Variants in GPI observed in about 807,000 individuals in gnomAD.
GPI encodes the protein glucose-6-phosphate isomerase, also known as D-hexose-6-phosphate anomerase.
GPI carries 56 observed loss-of-function variants against 75.8 expected under a neutral mutation model. The ratio of observed to expected loss-of-function variants is 0.74; its 90% CI spans 0.60 to 0.92. GPI has a LOEUF of 0.92. Among genes scored for constraint, GPI ranks in the 40% least tolerant of loss-of-function variants. The pLI is 0.00. For synonymous variants in GPI, 288 were observed against 285.4 expected (o/e 1.01, Z -0.09); for missense variants, 638 against 741.0 (o/e 0.86, Z 1.61).
At chr19:34,396,175 T>A in intron 12 of GPI, 126 bp from the exon 13 acceptor site, 1 of 962,768 alleles carries the variant, frequency 1.0e-6, no homozygotes, top group Non-Finnish European at 1.6e-6. Context: ...CAACCTCAGG[T>A]GATCCGCCTG....
Position 34,393,633 on chromosome 19 carries a change from C to A in GPI, c.866-95C>A. 1 of 1,226,014 alleles carries A rather than the reference C, an allele frequency of 8.2e-7. No homozygotes were observed. Among genetic ancestry groups the A allele is most frequent in the Non-Finnish European group, 1.2e-6 (1 of 828,814 alleles). 75.9% of individuals were successfully genotyped at this position (1,226,014 alleles called of 1,614,324 possible). ...CTCCCATGTCGTATCTTCTGGCTCTCCATGCAGCCTTCCTTCGTTGCAGAA... is the reference window on the plus strand; with the variant it reads ...CTCCCATGTCGTATCTTCTGGCTCTACATGCAGCCTTCCTTCGTTGCAGAA... On this transcript the variant is annotated intron_variant, in intron 10 of 17. Coordinates refer to ENST00000356487, the MANE Select transcript of GPI (RefSeq NM_000175.5). The surrounding 1 kb of genome is among the most constrained non-coding windows in gnomAD (Gnocchi z 4.4).
chr19:34,389,721 C>T (rs151180408), intron 9 of GPI, among the ~76,000 whole-genome samples: 106 of 152,262 alleles, frequency 7.0e-4, no homozygotes, highest in Non-Finnish European at 1.2e-3. Context: ...CATGCCTGCT[C>T]GTTCTTGAGA....
At chr19:34,395,220 G>A (rs893816128) in intron 12 of GPI, among the ~76,000 whole-genome samples, 2 of 152,068 alleles carry the variant, frequency 1.3e-5, no homozygotes, top group Admixed American at 6.5e-5. Flanking sequence ...TTTAGTTGTG[G>A]TGACAGCCCT....
chr19:34,365,248 T>C lies in GPI; in HGVS notation c.-19T>C, dbSNP rs2145311903. On this transcript the variant is annotated 5_prime_UTR_variant, in exon 1 of 18. Transcript: ENST00000356487. The stretch of plus-strand genomic sequence containing the variant: ...CCTCCTCGGCTCGCGTCTCACTCAG[T>C]GTACCTTCTAGTCCCGCCATGGCCG... 6.5e-7 allele frequency: 1 copy of C among 1,548,530 alleles called. No individual in the cohort carries two copies. Among genetic ancestry groups the C allele is most frequent in the Non-Finnish European group, 8.7e-7 (1 of 1,151,108 alleles).
chr19:34,364,713 A>G (rs2074327927), upstream of GPI: 1 of 399,220 alleles, frequency 2.5e-6, no homozygotes, highest in East Asian at 3.7e-5. Flanking sequence ...CCCGATTCTC[A>G]GCACCCTTTT....
upstream of GPI, chr19:34,364,776 T>C (rs1003305717): frequency 1.3e-5 from 6 of 450,232 alleles, no homozygotes; most frequent in African/African-American, 1.0e-4. Context: ...CATCATCTGT[T>C]GTACTTGCTT....
rs1427445898 is a variant in GPI, at chr19:34,400,377, T to C, written c.*341T>C. 1.7e-5 allele frequency: 10 copies of C among 598,492 alleles called. No individual in the cohort carries two copies. The highest frequency in any genetic ancestry group is 3.0e-5 in the Admixed American group (1 of 33,740). The allele number at this position is 598,492 out of a possible 1,614,324, so 37.1% of individuals were successfully genotyped here. Reference sequence around the variant, plus strand: ...TTTTTTTTCCTGTGATGGTGCTTTATGTAGCAGAGGGCAGGAGCGCTCAGC... The same window carrying C: ...TTTTTTTTCCTGTGATGGTGCTTTACGTAGCAGAGGGCAGGAGCGCTCAGC... On this transcript the variant is annotated 3_prime_UTR_variant, in exon 18 of 18. Transcript: ENST00000356487.
rs760041602 is a variant in GPI at position 34,378,980 on chromosome 19, A to C, written c.680A>C (p.Glu227Ala). The C allele has an allele frequency of 6.2e-6, 10 of 1,614,130 alleles. No homozygotes were observed. The highest frequency in any genetic ancestry group is 1.6e-4 in the Middle Eastern group (1 of 6,062). Reference sequence around the variant, plus strand: ...ATCACGAATGCAGAGACGGCGAAGGAGTGGTTTCTCCAGGCGGCCAAGGAT... The same window carrying C: ...ATCACGAATGCAGAGACGGCGAAGGCGTGGTTTCTCCAGGCGGCCAAGGAT... ...ETITNAETAK[E>A]WFLQAAKDPS... The change falls in exon 7 of 18, where the codon GAG becomes GCG. Residue 227 changes from glutamate to alanine, a missense_variant. Physicochemically the swap from Glu to Ala is moderately radical, Grantham distance 107. Coordinates refer to ENST00000356487, the MANE Select transcript of GPI (RefSeq NM_000175.5).
rs2074904577 is a variant in GPI at position 34,393,881 on chromosome 19, G to A, written c.910-33G>A. On this transcript the variant is annotated intron_variant, in intron 11 of 17. Transcript: ENST00000356487. This position sits in a 1 kb window ranked among gnomAD's most constrained non-coding sequence, Gnocchi z 4.4. Reference sequence around the variant, plus strand: ...CTGTCCCTCCCCTCCCCGTGCAGCTGCTCAGCTCCCACTCATCCTGCTCCT... The same window carrying A: ...CTGTCCCTCCCCTCCCCGTGCAGCTACTCAGCTCCCACTCATCCTGCTCCT... 1.2e-6 allele frequency: 2 copies of A among 1,612,540 alleles called. No homozygotes were observed. Among genetic ancestry groups the A allele is most frequent in the African/African-American group, 1.3e-5 (1 of 74,868 alleles).
rs1420798335 is a variant in GPI at position 34,400,945 on chromosome 19, T to C, written c.*909T>C. Reference sequence around the variant, plus strand: ...TTTACCATGTTGGGCAGGCTGGTCTTGAACTCCTGACCTCAGGTGATCTGC... The same window carrying C: ...TTTACCATGTTGGGCAGGCTGGTCTCGAACTCCTGACCTCAGGTGATCTGC... On this transcript the variant is annotated 3_prime_UTR_variant, in exon 18 of 18. Coordinates refer to ENST00000356487, the MANE Select transcript of GPI (RefSeq NM_000175.5). 8.5e-6 allele frequency: 2 copies of C among 236,292 alleles called. No individual in the cohort carries two copies. Among genetic ancestry groups the C allele is most frequent in the East Asian group, 1.6e-4 (2 of 12,878 alleles). The allele number at this position is 236,292 out of a possible 1,614,324, so 14.6% of individuals were successfully genotyped here.
At chr19:34,394,354 C>T (rs779330369) in intron 12 of GPI, among the ~76,000 whole-genome samples, 3 of 139,634 alleles carry the variant, frequency 2.1e-5, no homozygotes, top group Non-Finnish European at 4.7e-5. Flanking sequence ...GCTGGGGTCA[C>T]TTCTTTCTTG....
At chr19:34,376,877 G>A (rs1003617548) in intron 4 of GPI, among the ~76,000 whole-genome samples, 7 of 151,918 alleles carry the variant, frequency 4.6e-5, no homozygotes, top group African/African-American at 1.7e-4. Flanking sequence ...GCAAAACCTC[G>A]TCCCTACTAA....
chr19:34,369,874 A>G (rs1370773689), intron 4 of GPI, among the ~76,000 whole-genome samples: 1 of 151,596 alleles, frequency 6.6e-6, no homozygotes. Flanking sequence ...GCAGTGAGCC[A>G]TGGTGACACC....
At chr19:34,381,400 C>A in intron 8 of GPI, 66 bp from the exon 9 acceptor site, 2 of 1,058,720 alleles carry the variant, frequency 1.9e-6, no homozygotes, top group Non-Finnish European at 3.0e-6. Flanking sequence ...CCTCCCGGAG[C>A]TCCTGTTCCC....
At chr19:34,388,399 T>A (rs2074769914) in intron 9 of GPI, among the ~76,000 whole-genome samples, 1 of 152,018 alleles carries the variant, frequency 6.6e-6, no homozygotes, top group South Asian at 2.1e-4. Flanking sequence ...TGCTTGAACC[T>A]GGCAGGCAGA....
chr19:34,361,019 C>T (rs1314878307), upstream of GPI, among the ~76,000 whole-genome samples: 2 of 152,072 alleles, frequency 1.3e-5, no homozygotes, highest in Admixed American at 1.3e-4. Context: ...TTCAAGTGAT[C>T]CACCTGCCTC....
intron 4 of GPI, among the ~76,000 whole-genome samples, chr19:34,369,143 G>A (rs563060026): frequency 6.6e-6 from 1 of 151,882 alleles, no homozygotes; most frequent in Non-Finnish European, 1.5e-5. Context: ...CCGCCTCCTG[G>A]ATTCAAGCTA....
rs1390882011 is a variant in GPI, at chr19:34,400,860, G to A, written c.*824G>A. 8.8e-6 allele frequency: 3 copies of A among 339,204 alleles called. No individual in the cohort carries two copies. The highest frequency in any genetic ancestry group is 4.3e-5 in the East Asian group (1 of 23,208). 21.0% of individuals were successfully genotyped at this position (339,204 alleles called of 1,614,324 possible). A position where few individuals can be genotyped will look rare whatever the true frequency, so the allele number is the denominator to read the frequency against. On this transcript the variant is annotated 3_prime_UTR_variant, in exon 18 of 18. Transcript: ENST00000356487. ...CTGCCTCAGCCTCCCGAGTAGCTGG[G>A]ATTACACGGCGCACACCACCATACC...
chr19:34,364,863 G>C (rs983785654), upstream of GPI: 1 of 951,706 alleles, frequency 1.1e-6, no homozygotes, highest in African/African-American at 1.7e-5. Context: ...GAGTTTTGTC[G>C]AATGAATGAA....
Sources: gnomAD v4.1 joint callset for allele counts (sites outside exome capture counted in the v4.1 genomes callset) on GRCh38, gnomAD v4.1.1 for gene constraint, Gnocchi (gnomAD v3.1) non-coding constraint, MANE v1.5 for transcripts, NCBI Gene and HGNC (gene_info 2026-07-23, HGNC 2026-07-21) for gene names.